DYNC2I1: variants seen among roughly 807,000 people sequenced by gnomAD.
DYNC2I1 encodes the protein dynein 2 intermediate chain 1.
In DYNC2I1, 89 loss-of-function variants were observed where a neutral mutation model predicts 133.4. That is an observed-to-expected ratio of 0.67 (90% CI 0.56 to 0.80). DYNC2I1 has a LOEUF of 0.80. Among genes scored for constraint, DYNC2I1 ranks in the 30% least tolerant of loss-of-function variants. DYNC2I1 has a pLI of 0.00. For missense variants in DYNC2I1, 1,291 were observed against 1,314.5 expected (o/e 0.98, Z 0.28); for synonymous variants, 504 against 484.3 (o/e 1.04, Z -0.54).
rs757223714 is a variant in DYNC2I1, at chr7:158,922,387, A to G, written c.1932A>G (p.Val644=). ...TTTTCTTCTCCCTAGATCGAAAAGT[A>G]TCCTCCTTGCACACCTCCCGAGTTC... ...TSLPFLQNRK[V]SSLHTSRVQR... is the part of the protein sequence containing the mutation. Residue 644 remains valine, a synonymous_variant, in exon 16 of 25, where the codon GTA becomes GTG. Transcript: ENST00000407559. 7 of 1,613,414 alleles carry G rather than the reference A, an allele frequency of 4.3e-6. No homozygotes were observed. The highest frequency in any genetic ancestry group is 1.3e-5 in the African/African-American group (1 of 75,006).
chr7:158,935,577 C>T (rs1037582094), intron 23 of DYNC2I1, among the ~76,000 whole-genome samples: 2 of 152,174 alleles, frequency 1.3e-5, no homozygotes, highest in African/African-American at 4.8e-5. Flanking sequence ...ATGTCAGTCA[C>T]ATAAACTAAG....
At chr7:158,907,273 CTTTTTTTTTT>C (rs36062364) in intron 11 of DYNC2I1, among the ~76,000 whole-genome samples, 2 of 99,746 alleles carry the variant, frequency 2.0e-5, no homozygotes, top group Non-Finnish European at 4.1e-5. Flanking sequence ...CCATGGCCTT[CTTTTTTTTTT>C]TTTTTTTTTT....
chr7:158,879,359 C>T (rs1053310822), intron 4 of DYNC2I1, among the ~76,000 whole-genome samples: 20 of 152,110 alleles, frequency 1.3e-4, no homozygotes, highest in African/African-American at 4.3e-4. Flanking sequence ...CCCTCAGATA[C>T]CAAAATCCAT....
the DYNC2I1 span, among the ~76,000 whole-genome samples, chr7:158,839,503 T>C: frequency 6.6e-6 from 1 of 152,134 alleles, no homozygotes; most frequent in Non-Finnish European, 1.5e-5. Context: ...AGGAAGGTGA[T>C]TGCTTTTTTT....
intron 8 of DYNC2I1, among the ~76,000 whole-genome samples, chr7:158,891,904 A>T (rs1161783711): frequency 9.0e-6 from 1 of 111,246 alleles, no homozygotes; most frequent in Non-Finnish European, 2.2e-5. Flanking sequence ...GCGGAGCTTG[A>T]TGCAGAGCAC....
chr7:158,904,227 G>A (rs567306220), intron 10 of DYNC2I1: 2 of 152,336 alleles, frequency 1.3e-5, no homozygotes, highest in African/African-American at 2.4e-5. Context: ...TTTCTTTAGG[G>A]TTGTTGTGAA....
At chr7:158,846,492 A>T in the DYNC2I1 span, among the ~76,000 whole-genome samples, 1 of 152,170 alleles carries the variant, frequency 6.6e-6, no homozygotes, top group African/African-American at 2.4e-5. Flanking sequence ...TTGTCTATGT[A>T]AGTAGTAATA....
chr7:158,923,850 T>G, intron 17 of DYNC2I1, 117 bp downstream of exon 17: 1 of 1,354,488 alleles, frequency 7.4e-7, no homozygotes, highest in South Asian at 1.6e-5. Context: ...GGACGGGGTC[T>G]GACCCATGGG....
At position 158,945,600 on chromosome 7, in the gene DYNC2I1, G is replaced by C; in HGVS notation, c.3022G>C (p.Val1008Leu). The C allele has an allele frequency of 1.2e-6, 2 of 1,607,452 alleles. No individual in the cohort carries two copies. The highest frequency in any genetic ancestry group is 1.7e-6 in the Non-Finnish European group (2 of 1,177,586). ...SPNRLVAMAA[V>L]GEPEKAGGSF... is the part of the protein sequence containing the mutation. Reference sequence around the variant, plus strand: ...CTGCAGGCTGGTGGCCATGGCTGCGGTGGGTGAGCCTGAGAAGGCTGGTGG... The same window carrying C: ...CTGCAGGCTGGTGGCCATGGCTGCGCTGGGTGAGCCTGAGAAGGCTGGTGG... The change falls in exon 25 of 25, where the codon GTG (valine) becomes CTG (leucine). Residue 1008 changes from valine (V) to leucine (L), a missense_variant. Transcript: ENST00000407559. This position sits in a 1 kb window ranked among gnomAD's most constrained non-coding sequence, Gnocchi z 4.1.
At chr7:158,894,160 A>G (rs371321350) in intron 8 of DYNC2I1, among the ~76,000 whole-genome samples, 1 of 10,882 alleles carries the variant, frequency 9.2e-5, no homozygotes, top group Non-Finnish European at 2.6e-4. Flanking sequence ...CATATCGTAC[A>G]TCATAATGCA....
At chr7:158,881,897 A>G (rs1045185111) in intron 5 of DYNC2I1, among the ~76,000 whole-genome samples, 4 of 152,222 alleles carry the variant, frequency 2.6e-5, no homozygotes, top group African/African-American at 9.6e-5. Flanking sequence ...AGACTCCGCT[A>G]CTTGCCTTTT....
chr7:158,882,709 C>T (rs1844163131), intron 5 of DYNC2I1, among the ~76,000 whole-genome samples: 1 of 152,070 alleles, frequency 6.6e-6, no homozygotes, highest in South Asian at 2.1e-4. Flanking sequence ...CCTGTCTCTA[C>T]TAAAAAATAC....
chr7:158,876,899 A>G (rs1782200403), intron 4 of DYNC2I1, among the ~76,000 whole-genome samples: 2 of 152,366 alleles, frequency 1.3e-5, no homozygotes, highest in South Asian at 4.1e-4. Flanking sequence ...TGATGATATT[A>G]GAAAATTTAG....
At chr7:158,861,845 C>T (rs565033464) in intron 1 of DYNC2I1, among the ~76,000 whole-genome samples, 5 of 152,252 alleles carry the variant, frequency 3.3e-5, no homozygotes, top group African/African-American at 7.2e-5. Flanking sequence ...TCTTCGTTAC[C>T]GTTTTCTTCA....
chr7:158,840,275 A>G, the DYNC2I1 span, among the ~76,000 whole-genome samples: 1 of 152,054 alleles, frequency 6.6e-6, no homozygotes, highest in Non-Finnish European at 1.5e-5. Flanking sequence ...AATTAAGAAA[A>G]AATGGTTTTG....
At chr7:158,850,730 G>A in the DYNC2I1 span, among the ~76,000 whole-genome samples, 2 of 152,142 alleles carry the variant, frequency 1.3e-5, no homozygotes, top group Admixed American at 6.5e-5. Context: ...GAGAATTTCC[G>A]CTTGCTTTGG....
chr7:158,883,900 G>A (rs1305519026), intron 5 of DYNC2I1, among the ~76,000 whole-genome samples: 5 of 150,908 alleles, frequency 3.3e-5, no homozygotes, highest in South Asian at 2.1e-4. Context: ...TCCTGACCTC[G>A]TGATCCGCCC....
chr7:158,936,000 T>C (rs1446274297), intron 23 of DYNC2I1, among the ~76,000 whole-genome samples: 1 of 152,174 alleles, frequency 6.6e-6, no homozygotes, highest in East Asian at 1.9e-4. Context: ...AAAACCATGC[T>C]GGCCAACATG....
intron 9 of DYNC2I1, 73 bp from the exon 10 acceptor site, chr7:158,902,303 T>G: frequency 8.0e-7 from 1 of 1,252,136 alleles, no homozygotes; most frequent in Non-Finnish European, 1.1e-6. Flanking sequence ...AAGTGTCATG[T>G]TTTGTTCAGT....
Sources: gnomAD v4.1 joint callset for allele counts (sites outside exome capture counted in the v4.1 genomes callset) on GRCh38, gnomAD v4.1.1 for gene constraint, Gnocchi (gnomAD v3.1) non-coding constraint, MANE v1.5 for transcripts, NCBI Gene and HGNC (gene_info 2026-07-23, HGNC 2026-07-21) for gene names.